WDFY4: variants seen among roughly 807,000 people sequenced by gnomAD.
WDFY4 encodes the protein WD repeat- and FYVE domain-containing protein 4.
WDFY4 carries 169 observed loss-of-function variants against 351.9 expected under a neutral mutation model. That is an observed-to-expected ratio of 0.48 (90% CI 0.42 to 0.55). WDFY4 has a LOEUF of 0.55. WDFY4 is among the 20% of genes least tolerant of loss of function. WDFY4 has a pLI of 0.00. For synonymous variants in WDFY4, 1,622 were observed against 1,574.6 expected (o/e 1.03, Z -0.71); for missense variants, 3,803 against 3,935.6 (o/e 0.97, Z 0.90).
At chr10:48,806,116 T>G in intron 27 of WDFY4, 21 bp downstream of exon 27, 1 of 1,550,790 alleles carries the variant, frequency 6.4e-7, no homozygotes, top group Non-Finnish European at 8.7e-7. Context: ...CTTTGCCAGT[T>G]CGAAGGCAGT....
Position 48,974,527 on chromosome 10 carries a change from A to AAAAAAAAAAAAAAAAACAAACAAAACAAC in WDFY4, c.8929-333_8929-332insAAAAAAAAAAAAAACAAACAAAACAACAA. On this transcript the variant is annotated intron_variant, in intron 57 of 61. Transcript: ENST00000325239. Reference sequence around the variant, plus strand: ...CAAAAAAAAAAAAAAAAAAAAAAAAAAACAACTCATGACATGAACTGCTCC... The same window carrying AAAAAAAAAAAAAAAAACAAACAAAACAAC: ...CAAAAAAAAAAAAAAAAAAAAAAAAAAAAAAAAAAAAAAAAACAAACAAAACAACAACAACTCATGACATGAACTGCTCC... Among the ~76,000 whole-genome samples, 9 of 23,148 alleles carry AAAAAAAAAAAAAAAAACAAACAAAACAAC rather than the reference A, an allele frequency of 3.9e-4. 2 individuals are homozygous for AAAAAAAAAAAAAAAAACAAACAAAACAAC. Among genetic ancestry groups the AAAAAAAAAAAAAAAAACAAACAAAACAAC allele is most frequent in the Non-Finnish European group, 1.1e-3 (6 of 5,352 alleles). The allele number at this position is 23,148 out of a possible 152,430, so 15.2% of individuals were successfully genotyped here.
At chr10:48,686,298 C>CGAT (rs2063045507) in intron 1 of WDFY4, among the ~76,000 whole-genome samples, 1 of 122,316 alleles carries the variant, frequency 8.2e-6, no homozygotes, top group South Asian at 2.5e-4. Flanking sequence ...CTGGACAACA[C>CGAT]GATGAAACTC....
chr10:48,908,847 G>A (rs1837768648), intron 47 of WDFY4, among the ~76,000 whole-genome samples: 1 of 152,150 alleles, frequency 6.6e-6, no homozygotes, highest in Non-Finnish European at 1.5e-5. Flanking sequence ...CACCACAATC[G>A]ACATACACAG....
chr10:48,826,071 G>A (rs77970262), intron 35 of WDFY4, among the ~76,000 whole-genome samples: 1 of 152,174 alleles, frequency 6.6e-6, no homozygotes, highest in East Asian at 1.9e-4. Context: ...TTTTCTTCGA[G>A]AGGTTTTATA....
chr10:48,703,201 C>G (rs1300626869), intron 1 of WDFY4, among the ~76,000 whole-genome samples: 1 of 151,700 alleles, frequency 6.6e-6, no homozygotes, highest in Non-Finnish European at 1.5e-5. Flanking sequence ...TATTTTGGAG[C>G]GCTCTAGATT....
At chr10:48,969,271 G>C in intron 56 of WDFY4, 23 bp downstream of exon 56, 2 of 1,549,534 alleles carry the variant, frequency 1.3e-6, no homozygotes, top group East Asian at 2.4e-5. Flanking sequence ...CAGGGAGCAG[G>C]GGCAGCCTCA....
chr10:48,832,783 T>A, intron 39 of WDFY4, 74 bp downstream of exon 39: 14 of 1,423,106 alleles, frequency 9.8e-6, no homozygotes, highest in Non-Finnish European at 1.2e-5. Flanking sequence ...ATCTCTTCTT[T>A]GCTGCCTGTT....
intron 47 of WDFY4, among the ~76,000 whole-genome samples, chr10:48,924,621 AT>A (rs1336951587): frequency 5.9e-5 from 9 of 152,058 alleles, no homozygotes; most frequent in South Asian, 4.1e-4. Flanking sequence ...TTCTTGTACA[AT>A]TTTTTTTTAT....
intron 43 of WDFY4, among the ~76,000 whole-genome samples, chr10:48,881,487 G>A (rs553578277): frequency 6.6e-6 from 1 of 152,312 alleles, no homozygotes; most frequent in East Asian, 1.9e-4. Context: ...TGGGGTTCCT[G>A]CAGAGTGCCA....
intron 40 of WDFY4, among the ~76,000 whole-genome samples, chr10:48,870,261 G>C (rs1407525510): frequency 1.3e-5 from 2 of 152,216 alleles, no homozygotes; most frequent in Non-Finnish European, 2.9e-5. Flanking sequence ...AACTGGTCAA[G>C]TGTGGTGGCT....
At chr10:48,780,154 A>C (rs1345235630) in intron 19 of WDFY4, 35 bp downstream of exon 19, 1 of 1,549,642 alleles carries the variant, frequency 6.5e-7, no homozygotes, top group East Asian at 2.4e-5. Context: ...CTTGCCCCAC[A>C]ACCATACCTC....
intron 46 of WDFY4, among the ~76,000 whole-genome samples, chr10:48,900,604 A>G (rs1235707390): frequency 6.6e-6 from 1 of 152,228 alleles, no homozygotes; most frequent in Non-Finnish European, 1.5e-5. Flanking sequence ...GAGTTAAGGA[A>G]CTGGCTGTTT....
intron 1 of WDFY4, among the ~76,000 whole-genome samples, chr10:48,698,914 C>G (rs1445562006): frequency 6.6e-6 from 1 of 152,176 alleles, no homozygotes; most frequent in Non-Finnish European, 1.5e-5. Context: ...TCAGAGTGGA[C>G]TGGAGACTCA....
At chr10:48,717,253 ACT>A (rs1311640053) in intron 2 of WDFY4, among the ~76,000 whole-genome samples, 3 of 152,170 alleles carry the variant, frequency 2.0e-5, no homozygotes, top group Non-Finnish European at 4.4e-5. Context: ...CGTTTCATTC[ACT>A]TATCAAGTAT....
rs1167251656 is a variant in WDFY4, at chr10:48,969,261, C to A, written c.8769+13C>A. 6 of 1,550,502 alleles carry A rather than the reference C, an allele frequency of 3.9e-6. No individual in the cohort carries two copies. Among genetic ancestry groups the A allele is most frequent in the Non-Finnish European group, 4.4e-6 (5 of 1,146,838 alleles). Reference sequence around the variant, plus strand: ...CGGCTCCGACAAGGTGAGGGGGCTGCAGGGAGCAGGGGCAGCCTCAGGACC... The same window carrying A: ...CGGCTCCGACAAGGTGAGGGGGCTGAAGGGAGCAGGGGCAGCCTCAGGACC... On this transcript the variant is annotated intron_variant, in intron 56 of 61. Coordinates refer to ENST00000325239, the MANE Select transcript of WDFY4 (RefSeq NM_001394531.1).
intron 13 of WDFY4, among the ~76,000 whole-genome samples, chr10:48,761,236 A>G (rs1159224872): frequency 6.6e-6 from 1 of 152,154 alleles, no homozygotes; most frequent in Non-Finnish European, 1.5e-5. Context: ...TCAGGCGATG[A>G]TGGGGATAAT....
chr10:48,711,624 A>G (rs1025278416), intron 2 of WDFY4, among the ~76,000 whole-genome samples: 2 of 152,004 alleles, frequency 1.3e-5, no homozygotes, highest in African/African-American at 4.8e-5. Flanking sequence ...TGTTTATTTG[A>G]GAGTTCATTT....
At position 48,792,603 on chromosome 10, in the gene WDFY4, G is replaced by A. The variant is rs1417993360; in HGVS notation, c.4257+1686G>A. ...AATACAGCACAAGGATATCTGCTGT[G>A]GTTAGGGATTTTAATAATTATTGTG... On this transcript the variant is annotated intron_variant, in intron 23 of 61. Transcript: ENST00000325239. Among the ~76,000 whole-genome samples, 3 of 152,110 alleles carry A rather than the reference G, an allele frequency of 2.0e-5. No homozygotes were observed. The East Asian group carries it at 5.8e-4, about 29-fold the overall frequency.
chr10:48,862,137 A>T (rs560829600), intron 39 of WDFY4, among the ~76,000 whole-genome samples: 5 of 152,348 alleles, frequency 3.3e-5, no homozygotes, highest in African/African-American at 1.2e-4. Flanking sequence ...TTTGTCAAAT[A>T]GTTCTAACAC....
Sources: allele counts gnomAD v4.1 joint callset (sites outside exome capture counted in the v4.1 genomes callset), GRCh38; gene constraint gnomAD v4.1.1; transcripts MANE v1.5; gene names NCBI Gene and HGNC (gene_info 2026-07-23, HGNC 2026-07-21).